Variants in SLC25A20 observed in about 807,000 individuals in gnomAD.
SLC25A20 encodes solute carrier family 25 member 20, also known as mitochondrial carnitine/acylcarnitine carrier protein.
A neutral mutation model predicts 39.7 loss-of-function variants in SLC25A20; 29 were observed. The ratio of observed to expected loss-of-function variants is 0.73; its 90% CI spans 0.54 to 1.00. SLC25A20 has a LOEUF of 1.00. Ranked by LOEUF, SLC25A20 falls within the 50% of genes least tolerant of loss-of-function variation. SLC25A20 has a pLI of 0.00. For missense variants in SLC25A20, 333 were observed against 379.9 expected (o/e 0.88, Z 1.03); for synonymous variants, 103 against 142.2 (o/e 0.72, Z 1.96).
chr3:48,890,499 T>C (rs2083864716), intron 2 of SLC25A20, among the ~76,000 whole-genome samples: 1 of 150,794 alleles, frequency 6.6e-6, no homozygotes, highest in African/African-American at 2.4e-5. Flanking sequence ...TGATCTTTCT[T>C]ATAAGTGCAT....
chr3:48,879,579 A>G (rs1032188640), intron 3 of SLC25A20, 131 bp from the exon 4 acceptor site: 4 of 720,932 alleles, frequency 5.5e-6, no homozygotes, highest in Non-Finnish European at 1.0e-5. Context: ...CCTAGCCACA[A>G]ATGAATCAGA....
chr3:48,878,274 ATAT>A (rs1171813619), intron 4 of SLC25A20, among the ~76,000 whole-genome samples: 4,147 of 115,094 alleles, frequency 0.036, 197 homozygotes, highest in East Asian at 0.22. Flanking sequence ...AAAAAAAAAA[ATAT>A]ATATATATAT....
intron 4 of SLC25A20, among the ~76,000 whole-genome samples, chr3:48,872,473 G>A (rs758965399): frequency 1.3e-5 from 2 of 151,538 alleles, no homozygotes; most frequent in African/African-American, 2.4e-5. Context: ...TCAGTGGAAT[G>A]AAGACAGTCT....
At chr3:48,885,499 G>A (rs1203257057) in intron 2 of SLC25A20, among the ~76,000 whole-genome samples, 2 of 152,036 alleles carry the variant, frequency 1.3e-5, no homozygotes, top group African/African-American at 2.4e-5. Context: ...CTCCAAAAGC[G>A]ATGTTTCCAA....
intron 1 of SLC25A20, among the ~76,000 whole-genome samples, chr3:48,892,607 T>C (rs2083885297): frequency 6.6e-6 from 1 of 152,210 alleles, no homozygotes; most frequent in South Asian, 2.1e-4. Flanking sequence ...AAAAGACTAA[T>C]GTCCCACCTC....
chr3:48,897,428 C>T (rs1489929225), intron 1 of SLC25A20, among the ~76,000 whole-genome samples: 4 of 145,092 alleles, frequency 2.8e-5, no homozygotes, highest in Non-Finnish European at 3.0e-5. Context: ...AGATATCTGC[C>T]TATATGGACC....
intron 1 of SLC25A20, among the ~76,000 whole-genome samples, chr3:48,893,620 G>A (rs1401089582): frequency 1.3e-5 from 2 of 151,032 alleles, no homozygotes; most frequent in African/African-American, 2.4e-5. Flanking sequence ...TGCCACTTTC[G>A]CCTCCCAGGC....
intron 4 of SLC25A20, among the ~76,000 whole-genome samples, chr3:48,865,792 G>T (rs1340823675): frequency 6.7e-6 from 1 of 148,766 alleles, no homozygotes; most frequent in Non-Finnish European, 1.5e-5. Context: ...AAAAAGAAAA[G>T]AAAAGAAAGA....
intron 7 of SLC25A20, 137 bp from the exon 8 acceptor site, chr3:48,858,768 T>A: frequency 9.6e-7 from 1 of 1,038,430 alleles, no homozygotes; most frequent in Non-Finnish European, 1.5e-6. Flanking sequence ...ACAGTTCACC[T>A]TGGGACAAAT....
chr3:48,866,336 C>T (rs2083668486), intron 4 of SLC25A20, among the ~76,000 whole-genome samples: 2 of 151,824 alleles, frequency 1.3e-5, no homozygotes, highest in Admixed American at 1.3e-4. Flanking sequence ...GGTGGATCAC[C>T]TTAGGTCAAG....
intron 4 of SLC25A20, among the ~76,000 whole-genome samples, chr3:48,869,592 A>G (rs1402444399): frequency 6.6e-6 from 1 of 152,156 alleles, no homozygotes; most frequent in Admixed American, 6.6e-5. Context: ...TGGGAGGTCA[A>G]GGTGGGAGGA....
chr3:48,884,207 C>A, intron 2 of SLC25A20, 83 bp from the exon 3 acceptor site: 1 of 1,570,292 alleles, frequency 6.4e-7, no homozygotes, highest in Non-Finnish European at 8.7e-7. Context: ...GTGTGTCCTC[C>A]AAACTGTGGC....
chr3:48,857,702 C>T lies in SLC25A20; in HGVS notation c.*8G>A. The T allele has an allele frequency of 1.9e-6, 3 of 1,613,456 alleles. No homozygotes were observed. Among genetic ancestry groups the T allele is most frequent in the Non-Finnish European group, 2.5e-6 (3 of 1,179,614 alleles). On this transcript the variant is annotated 3_prime_UTR_variant, in exon 9 of 9. Coordinates refer to ENST00000319017, the MANE Select transcript of SLC25A20 (RefSeq NM_000387.6). Reference sequence around the variant, plus strand: ...GCATCCAGAAGTGAACTTGAGCAGCCTTCAGCCTCACAAGTTGGGGGTGGC... The same window carrying T: ...GCATCCAGAAGTGAACTTGAGCAGCTTTCAGCCTCACAAGTTGGGGGTGGC...
At chr3:48,871,817 G>A (rs898587134) in intron 4 of SLC25A20, among the ~76,000 whole-genome samples, 6 of 149,410 alleles carry the variant, frequency 4.0e-5, no homozygotes, top group African/African-American at 1.5e-4. Flanking sequence ...ACACAAATAT[G>A]TCCAATTGAT....
intron 3 of SLC25A20, 24 bp from the exon 4 acceptor site, chr3:48,879,472 A>G: frequency 6.4e-7 from 1 of 1,554,652 alleles, no homozygotes; most frequent in South Asian, 1.1e-5. Flanking sequence ...AAAAAGCAGA[A>G]GCAAGCACCT....
chr3:48,868,350 G>A (rs1230399287), intron 4 of SLC25A20, among the ~76,000 whole-genome samples: 1 of 152,104 alleles, frequency 6.6e-6, no homozygotes, highest in Non-Finnish European at 1.5e-5. Flanking sequence ...TAAGGGAAAA[G>A]AGCGATGGAC....
chr3:48,895,650 G>A (rs2083905336), intron 1 of SLC25A20: 1 of 281,190 alleles, frequency 3.6e-6, no homozygotes, highest in African/African-American at 2.2e-5. Context: ...TATTTGTCAG[G>A]GCCTTCCATA....
intron 4 of SLC25A20, 129 bp downstream of exon 4, chr3:48,879,229 G>A: frequency 5.0e-6 from 4 of 799,480 alleles, no homozygotes; most frequent in South Asian, 4.0e-5. Flanking sequence ...CTCCCAAAGT[G>A]CTAGGATTAC....
At chr3:48,882,467 G>A (rs930294690) in intron 3 of SLC25A20, among the ~76,000 whole-genome samples, 2 of 152,198 alleles carry the variant, frequency 1.3e-5, no homozygotes, top group African/African-American at 4.8e-5. Context: ...TGCTGCCTAT[G>A]ACATGTCACA....
Sources: gnomAD v4.1 joint callset for allele counts (sites outside exome capture counted in the v4.1 genomes callset) on GRCh38, gnomAD v4.1.1 for gene constraint, MANE v1.5 for transcripts, NCBI Gene and HGNC (gene_info 2026-07-23, HGNC 2026-07-21) for gene names.